CDH4: variants seen among roughly 807,000 people sequenced by gnomAD.
CDH4 encodes the protein cadherin-4.
In CDH4, 33 loss-of-function variants were observed where a neutral mutation model predicts 86.0. The ratio of observed to expected loss-of-function variants is 0.38; its 90% confidence interval spans 0.29 to 0.51. CDH4 has a LOEUF of 0.51. CDH4 is among the 20% of genes least tolerant of loss of function. CDH4 has a pLI of 0.86. For synonymous variants in CDH4, 555 were observed against 549.4 expected (o/e 1.01, Z -0.14); for missense variants, 1,114 against 1,307.4 (o/e 0.85, Z 2.28).
At chr20:61,400,460 C>T (rs1464677161) in intron 2 of CDH4, among the ~76,000 whole-genome samples, 1 of 152,174 alleles carries the variant, frequency 6.6e-6, no homozygotes, top group Non-Finnish European at 1.5e-5. Context: ...CCTAGATGAT[C>T]CCCGGAAACC....
intron 4 of CDH4, among the ~76,000 whole-genome samples, chr20:61,833,895 C>T (rs1050158095): frequency 3.3e-5 from 5 of 152,236 alleles, no homozygotes; most frequent in African/African-American, 9.6e-5. Context: ...AGTGAGGAGG[C>T]GCCCCCTCCT....
intron 2 of CDH4, among the ~76,000 whole-genome samples, chr20:61,694,404 T>C (rs570396207): frequency 4.6e-5 from 7 of 152,126 alleles, no homozygotes; most frequent in Non-Finnish European, 8.8e-5. Context: ...AGAAAATCAC[T>C]TCGCAGGGTG....
chr20:61,710,463 G>A (rs1278718849), intron 2 of CDH4, among the ~76,000 whole-genome samples: 1 of 152,228 alleles, frequency 6.6e-6, no homozygotes, highest in Non-Finnish European at 1.5e-5. Context: ...CTGCGGCAGA[G>A]CCCCCCTCCT....
At chr20:61,845,123 A>G (rs995855926) in intron 5 of CDH4, among the ~76,000 whole-genome samples, 1 of 152,206 alleles carries the variant, frequency 6.6e-6, no homozygotes. Flanking sequence ...GAAGGCCTCC[A>G]TCCACGTGGT....
At chr20:61,347,709 G>T (rs1052751701) in intron 2 of CDH4, among the ~76,000 whole-genome samples, 158 of 152,194 alleles carry the variant, frequency 1.0e-3, no homozygotes, top group African/African-American at 3.7e-3. Context: ...TAAGCTGGCG[G>T]GGGCTGGTGT....
chr20:61,380,523 A>ACCCCCCCCCCCCCCC (rs141105277), intron 2 of CDH4, among the ~76,000 whole-genome samples: 8 of 148,840 alleles, frequency 5.4e-5, no homozygotes, highest in African/African-American at 7.5e-5. Flanking sequence ...CCATCCTACA[A>ACCCCCCCCCCCCCCC]ACCCCCCTGC....
intron 2 of CDH4, among the ~76,000 whole-genome samples, chr20:61,529,524 C>T (rs1184738320): frequency 1.3e-5 from 2 of 152,216 alleles, no homozygotes; most frequent in African/African-American, 4.8e-5. Context: ...TGTGTTGCAA[C>T]ATGCCATGGA....
chr20:61,773,209 CG>C (rs1199528514), intron 4 of CDH4, 27 bp downstream of exon 4: 2 of 1,502,228 alleles, frequency 1.3e-6, no homozygotes, highest in East Asian at 5.0e-5. Flanking sequence ...CCCGCGGGCA[CG>C]GGGGTCTCGG....
At chr20:61,809,869 G>A (rs1301975378) in intron 4 of CDH4, among the ~76,000 whole-genome samples, 2 of 152,194 alleles carry the variant, frequency 1.3e-5, no homozygotes, top group Non-Finnish European at 2.9e-5. Flanking sequence ...AGCGGGGGGT[G>A]GGGGTCACTG....
intron 2 of CDH4, among the ~76,000 whole-genome samples, chr20:61,656,229 G>GTGCTGGGGTGGGCAGGCGCA (rs2087186028): frequency 9.0e-5 from 9 of 99,464 alleles, no homozygotes; most frequent in Non-Finnish European, 1.3e-4. Flanking sequence ...GGGCAGGCGC[G>GTGCTGGGGTGGGCAGGCGCA]TGCTGGGGTG....
At position 61,923,495 on chromosome 20, in the gene CDH4, G is replaced by A; in HGVS notation, c.1419G>A (p.Met473Ile). The A allele has an allele frequency of 6.2e-7, 1 of 1,614,152 alleles. No homozygotes were observed. The highest frequency in any genetic ancestry group is 8.5e-7 in the Non-Finnish European group (1 of 1,180,018). Residue 473 changes from methionine to isoleucine, a missense_variant, in exon 10 of 16, where the codon ATG becomes ATA. By Grantham distance (10) the Met-to-Ile change is conservative. Coordinates refer to ENST00000614565, the MANE Select transcript of CDH4 (RefSeq NM_001794.5). ...ELNRAFMLTV[M>I]VSNQAPLASG... ...ACAGAGCTTTCATGCTGACAGTGATGGTGTCCAACCAGGCGCCCCTGGCCA... is the reference window on the plus strand; with the variant it reads ...ACAGAGCTTTCATGCTGACAGTGATAGTGTCCAACCAGGCGCCCCTGGCCA...
intron 2 of CDH4, among the ~76,000 whole-genome samples, chr20:61,597,173 AT>A (rs2086562591): frequency 6.6e-6 from 1 of 152,230 alleles, no homozygotes; most frequent in African/African-American, 2.4e-5. Context: ...AGAAGGAAAC[AT>A]TAAGTAAGAG....
intron 2 of CDH4, among the ~76,000 whole-genome samples, chr20:61,440,742 T>C (rs1419758730): frequency 6.6e-6 from 1 of 152,206 alleles, no homozygotes; most frequent in Non-Finnish European, 1.5e-5. Context: ...GCGGGCGCCA[T>C]GGAGGAAGCG....
chr20:61,882,839 A>C (rs8113920), intron 7 of CDH4, among the ~76,000 whole-genome samples: 13 of 134,686 alleles, frequency 9.7e-5, no homozygotes, highest in Admixed American at 7.5e-4. Context: ...GCCCCTTCCT[A>C]TCTTCTGAGA....
intron 2 of CDH4, among the ~76,000 whole-genome samples, chr20:61,369,531 G>A (rs1443724042): frequency 2.0e-5 from 3 of 149,584 alleles, no homozygotes; most frequent in Non-Finnish European, 3.0e-5. Flanking sequence ...TAGATTAGAA[G>A]ATGGCATTGC....
intron 2 of CDH4, among the ~76,000 whole-genome samples, chr20:61,715,511 C>T (rs1046395506): frequency 3.3e-5 from 5 of 152,188 alleles, no homozygotes; most frequent in African/African-American, 1.2e-4. Context: ...CCACTCCTTC[C>T]ATAACAAGCC....
rs573403952 is a variant in CDH4 at position 61,939,652 on chromosome 20, C to A, written c.*2709C>A. On this transcript the variant is annotated 3_prime_UTR_variant, in exon 16 of 16. Transcript: ENST00000614565. Reference sequence around the variant, plus strand: ...TTCCTTAAGCTTGTAGATACGACTGCCTATAATCAGGGGACTCCCACTGGA... The same window carrying A: ...TTCCTTAAGCTTGTAGATACGACTGACTATAATCAGGGGACTCCCACTGGA... 1 of 152,398 alleles carries A rather than the reference C, an allele frequency of 6.6e-6. No individual in the cohort carries two copies. Among genetic ancestry groups the A allele is most frequent in the East Asian group, 1.9e-4 (1 of 5,184 alleles). The allele number at this position is 152,398 out of a possible 1,614,324, so 9.4% of individuals were successfully genotyped here.
intron 2 of CDH4, among the ~76,000 whole-genome samples, chr20:61,569,204 G>A (rs1456859164): frequency 2.0e-5 from 3 of 151,974 alleles, no homozygotes; most frequent in African/African-American, 7.3e-5. Flanking sequence ...TTCTGGGGTG[G>A]CCATGATGAT....
chr20:61,884,982 G>T (rs1292521719), intron 7 of CDH4, among the ~76,000 whole-genome samples: 1 of 152,102 alleles, frequency 6.6e-6, no homozygotes, highest in Non-Finnish European at 1.5e-5. Flanking sequence ...TAGCCTAAGG[G>T]TCAGTCTGCA....
Sources: gnomAD v4.1 joint callset for allele counts (sites outside exome capture counted in the v4.1 genomes callset) on GRCh38, gnomAD v4.1.1 for gene constraint, MANE v1.5 for transcripts, NCBI Gene and HGNC (gene_info 2026-07-23, HGNC 2026-07-21) for gene names.